The following SLIT3 variants were observed in gnomAD, a reference collection of about 807,000 sequenced individuals.
The protein encoded by SLIT3 is slit homolog 3 protein.
In SLIT3, 68 loss-of-function variants were observed where a neutral mutation model predicts 184.0. The ratio of observed to expected loss-of-function variants is 0.37; its 90% CI spans 0.30 to 0.45. The LOEUF is 0.45. Ranked by LOEUF, SLIT3 falls within the 20% of genes least tolerant of loss-of-function variation. SLIT3 has a pLI of 1.00. For synonymous variants in SLIT3, 831 were observed against 828.6 expected, an observed-to-expected ratio of 1.00 and a Z score of -0.05; for missense variants, 1,707 against 2,026.0, an observed-to-expected ratio of 0.84 and a Z score of 3.02.
chr5:169,032,147 T>C (rs1239857804), intron 4 of SLIT3, among the ~76,000 whole-genome samples: 1 of 152,174 alleles, frequency 6.6e-6, no homozygotes, highest in Non-Finnish European at 1.5e-5. Context: ...GGATGCCTAA[T>C]TCATGTCAGT....
At chr5:168,802,952 AG>A (rs1168846322) in intron 9 of SLIT3, among the ~76,000 whole-genome samples, 1 of 152,244 alleles carries the variant, frequency 6.6e-6, no homozygotes, top group African/African-American at 2.4e-5. Flanking sequence ...CATGGCTACA[AG>A]GCAGAGCCAA....
rs138514196 is a variant in SLIT3, at chr5:169,088,167, A to G, written c.413+105312T>C. ...TAGGAAACAAAGGACAGTTGCTTTC[A>G]AGAAGGAAGGGACTGAGCAACTCTA... On this transcript the variant is annotated intron_variant, in intron 4 of 35. Transcript: ENST00000519560. 4.1e-3 allele frequency among the ~76,000 whole-genome samples: 621 copies of G among 152,314 alleles called. 2 individuals are homozygous for G. Among genetic ancestry groups the G allele is most frequent in the African/African-American group, 0.014 (598 of 41,572 alleles).
intron 16 of SLIT3, among the ~76,000 whole-genome samples, chr5:168,760,361 T>C (rs1049454701): frequency 2.0e-5 from 3 of 152,164 alleles, no homozygotes; most frequent in Admixed American, 6.5e-5. Context: ...GGCCAAGGCA[T>C]GGTCAGACCC....
At chr5:169,045,361 A>ACT (rs766154262) in intron 4 of SLIT3, among the ~76,000 whole-genome samples, 38 of 152,086 alleles carry the variant, frequency 2.5e-4, no homozygotes, top group Middle Eastern at 3.4e-3. Flanking sequence ...TGCTGCTTCA[A>ACT]CAGACAGCAA....
chr5:169,157,102 G>A (rs1762336385), intron 4 of SLIT3, among the ~76,000 whole-genome samples: 1 of 152,212 alleles, frequency 6.6e-6, no homozygotes, highest in Admixed American at 6.5e-5. Context: ...AGTCCCTGCT[G>A]GAGTAGTATC....
chr5:168,998,051 T>C (rs1359097609), intron 4 of SLIT3, among the ~76,000 whole-genome samples: 4 of 151,906 alleles, frequency 2.6e-5, no homozygotes, highest in Non-Finnish European at 4.4e-5. Flanking sequence ...CAAAGCCAGG[T>C]GGAAGCTCTC....
intron 4 of SLIT3, among the ~76,000 whole-genome samples, chr5:169,156,844 A>G (rs1406846937): frequency 6.6e-6 from 1 of 152,214 alleles, no homozygotes; most frequent in Non-Finnish European, 1.5e-5. Flanking sequence ...AAACACCAGA[A>G]GACTCTCAGA....
chr5:168,662,338 G>A lies in SLIT3; in HGVS notation c.*4116C>T, dbSNP rs1298865739. On this transcript the variant is annotated 3_prime_UTR_variant, in exon 36 of 36. Transcript: ENST00000519560. Reference sequence around the variant, plus strand: ...GGCTTCTGCTCCCAGCAAAGGCAGTGGGTGACTGCTTGACTTTAGGGTTCA... The same window carrying A: ...GGCTTCTGCTCCCAGCAAAGGCAGTAGGTGACTGCTTGACTTTAGGGTTCA... 1 of 152,232 alleles carries A rather than the reference G, an allele frequency of 6.6e-6. No homozygotes were observed. The highest frequency in any genetic ancestry group is 1.5e-5 in the Non-Finnish European group (1 of 68,064). The allele number at this position is 152,232 out of a possible 1,614,324, so 9.4% of individuals were successfully genotyped here.
intron 10 of SLIT3, among the ~76,000 whole-genome samples, chr5:168,794,400 T>G (rs60517856): frequency 0.14 from 21,502 of 152,188 alleles, 1,754 homozygotes; most frequent in African/African-American, 0.2. Flanking sequence ...CTGTCCTCCC[T>G]GCAGAGCCCC....
chr5:168,887,857 G>A (rs1283383873), intron 4 of SLIT3, among the ~76,000 whole-genome samples: 2 of 152,120 alleles, frequency 1.3e-5, no homozygotes, highest in Non-Finnish European at 2.9e-5. Flanking sequence ...TGCTGAAAAT[G>A]TCCTTTTTCA....
intron 35 of SLIT3, 39 bp downstream of exon 35, chr5:168,669,744 A>AC (rs1377483718): frequency 1.9e-6 from 3 of 1,545,298 alleles, no homozygotes; most frequent in African/African-American, 2.7e-5. Flanking sequence ...TCCAACTCTG[A>AC]CCCCCACTTC....
At chr5:168,923,516 CTTTTTT>C (rs35732966) in intron 4 of SLIT3, among the ~76,000 whole-genome samples, 3 of 134,370 alleles carry the variant, frequency 2.2e-5, no homozygotes, top group African/African-American at 5.7e-5. Context: ...TCCTAAATAT[CTTTTTT>C]TTTTTTTTTT....
At chr5:168,888,460 A>C (rs1760306158) in intron 4 of SLIT3, among the ~76,000 whole-genome samples, 1 of 152,240 alleles carries the variant, frequency 6.6e-6, no homozygotes, top group Admixed American at 6.5e-5. Context: ...AAGGAACCCA[A>C]GGGGATCCAC....
At chr5:169,013,530 C>T (rs1389218021) in intron 4 of SLIT3, 2 of 152,190 alleles carry the variant, frequency 1.3e-5, no homozygotes, top group African/African-American at 2.4e-5. Flanking sequence ...CCACAGGTTT[C>T]GTTTTTCAAA....
At chr5:168,765,228 A>G (rs1363662371) in intron 14 of SLIT3, among the ~76,000 whole-genome samples, 2 of 152,186 alleles carry the variant, frequency 1.3e-5, no homozygotes, top group Non-Finnish European at 2.9e-5. Flanking sequence ...TCAAGGTGAG[A>G]GCAGCCTGTA....
At chr5:169,051,286 CT>C (rs879340120) in intron 4 of SLIT3, among the ~76,000 whole-genome samples, 311 of 146,408 alleles carry the variant, frequency 2.1e-3, no homozygotes, top group Admixed American at 3.5e-3. Context: ...CATTTCTAGC[CT>C]TTTTTTTTTT....
chr5:169,015,986 A>ACACAC, intron 4 of SLIT3, among the ~76,000 whole-genome samples: 1 of 73,794 alleles, frequency 1.4e-5, no homozygotes, highest in Non-Finnish European at 2.8e-5. Flanking sequence ...ACACACACAC[A>ACACAC]ACTTTCTGTC....
intron 4 of SLIT3, among the ~76,000 whole-genome samples, chr5:169,148,910 A>G (rs979683662): frequency 2.6e-5 from 4 of 152,076 alleles, no homozygotes; most frequent in African/African-American, 7.3e-5. Flanking sequence ...AATACCTGCC[A>G]TTTATTGGAA....
At chr5:168,912,954 C>T (rs934352580) in intron 4 of SLIT3, among the ~76,000 whole-genome samples, 2 of 152,218 alleles carry the variant, frequency 1.3e-5, no homozygotes, top group Admixed American at 6.5e-5. Flanking sequence ...GTATTCCACC[C>T]TGTCTGGCTG....
Sources: allele counts gnomAD v4.1 joint callset (sites outside exome capture counted in the v4.1 genomes callset), GRCh38; gene constraint gnomAD v4.1.1; transcripts MANE v1.5; gene names NCBI Gene and HGNC (gene_info 2026-07-23, HGNC 2026-07-21).